The following MBNL2 variants were observed in gnomAD, a reference collection of about 807,000 sequenced individuals.
MBNL2 encodes muscleblind like splicing regulator 2, also known as muscleblind-like protein 2.
In MBNL2, 17 loss-of-function variants were observed where a neutral mutation model predicts 41.9. The observed-to-expected ratio is 0.41, with a 90% CI of 0.28 to 0.61. The LOEUF (loss-of-function observed/expected upper bound fraction) is 0.61. MBNL2 is among the 20% of genes least tolerant of loss of function. MBNL2 has a pLI of 0.35. For missense variants in MBNL2, 336 were observed against 505.6 expected, an observed-to-expected ratio of 0.66 and a Z score of 3.22; for synonymous variants, 195 against 182.9, an observed-to-expected ratio of 1.07 and a Z score of -0.53.
chr13:97,374,314 A>G (rs1172915571), intron 8 of MBNL2, among the ~76,000 whole-genome samples: 1 of 147,658 alleles, frequency 6.8e-6, no homozygotes, highest in Non-Finnish European at 1.5e-5. Context: ...CGCCCAGCTA[A>G]TTTTTTGTAT....
intron 2 of MBNL2, among the ~76,000 whole-genome samples, chr13:97,289,666 C>T (rs1204459670): frequency 6.6e-6 from 1 of 152,134 alleles, no homozygotes; most frequent in Non-Finnish European, 1.5e-5. Context: ...CTATTTAGTG[C>T]CAAGCACTAT....
chr13:97,144,423 CTTTTTTTTTTT>C, the MBNL2 span, among the ~76,000 whole-genome samples: 8 of 118,106 alleles, frequency 6.8e-5, no homozygotes, highest in Admixed American at 3.4e-4. Context: ...CATGATACTT[CTTTTTTTTTTT>C]TTTTTTTTTT....
chr13:97,351,422 G>T (rs2062440723), intron 5 of MBNL2, among the ~76,000 whole-genome samples: 1 of 152,182 alleles, frequency 6.6e-6, no homozygotes, highest in Non-Finnish European at 1.5e-5. Context: ...GTACTTTGAA[G>T]GTTTGAAGCT....
intron 1 of MBNL2, among the ~76,000 whole-genome samples, chr13:97,271,790 A>C (rs1323036294): frequency 6.6e-6 from 1 of 152,180 alleles, no homozygotes; most frequent in African/African-American, 2.4e-5. Flanking sequence ...TCCATGTTGT[A>C]TATGTACCAC....
chr13:97,232,119 G>A (rs1594065615), intron 1 of MBNL2, among the ~76,000 whole-genome samples: 2 of 152,210 alleles, frequency 1.3e-5, no homozygotes, highest in South Asian at 2.1e-4. Flanking sequence ...AGAGACAGCT[G>A]TCTAACGAAG....
At chr13:97,152,237 GT>G in the MBNL2 span, among the ~76,000 whole-genome samples, 1 of 151,958 alleles carries the variant, frequency 6.6e-6, no homozygotes, top group African/African-American at 2.4e-5. Flanking sequence ...AGAAGATAGG[GT>G]TCAGAAAACC....
chr13:97,190,088 C>T, the MBNL2 span, among the ~76,000 whole-genome samples: 1 of 152,344 alleles, frequency 6.6e-6, no homozygotes, highest in South Asian at 2.1e-4. Flanking sequence ...GCAGTGGACC[C>T]CTGGCTTAGT....
At chr13:97,312,037 A>G (rs1375375436) in intron 2 of MBNL2, among the ~76,000 whole-genome samples, 1 of 152,242 alleles carries the variant, frequency 6.6e-6, no homozygotes, top group Non-Finnish European at 1.5e-5. Context: ...CTTAGTGTTG[A>G]GTTCAAACAT....
At chr13:97,343,266 C>T in intron 4 of MBNL2, 50 bp downstream of exon 4, 1 of 1,338,836 alleles carries the variant, frequency 7.5e-7, no homozygotes, top group Non-Finnish European at 1.0e-6. Flanking sequence ...TAGAAATATA[C>T]TTCTGTGTAA....
chr13:97,366,074 A>G lies in MBNL2; in HGVS notation c.1048+903A>G, dbSNP rs1052624989. Among the ~76,000 whole-genome samples, 3 of 152,210 alleles carry G rather than the reference A, an allele frequency of 2.0e-5. No homozygotes were observed. The highest frequency in any genetic ancestry group is 2.9e-5 in the Non-Finnish European group (2 of 68,038). On this transcript the variant is annotated intron_variant, in intron 8 of 8. Transcript: ENST00000679496. The surrounding 1 kb of genome is among the most constrained non-coding windows in gnomAD (Gnocchi z 4.7). ...TCAGAGTTTATGATTAAAAGTGATG[A>G]TCACATATTCTTACTTCACTGGACA...
intron 8 of MBNL2, among the ~76,000 whole-genome samples, chr13:97,371,522 T>C (rs1224252846): frequency 6.6e-6 from 1 of 152,080 alleles, no homozygotes; most frequent in Non-Finnish European, 1.5e-5. Context: ...GGCTGCAGCG[T>C]AGGTTTGATT....
At chr13:97,364,985 A>G (rs996299300) in intron 7 of MBNL2, 151 bp from the exon 8 acceptor site, 1 of 733,930 alleles carries the variant, frequency 1.4e-6, no homozygotes, top group Non-Finnish European at 2.5e-6. Context: ...TTGTGTCTGT[A>G]CTGACAATGT....
chr13:97,283,856 C>T (rs2053903955), intron 2 of MBNL2, among the ~76,000 whole-genome samples: 1 of 152,130 alleles, frequency 6.6e-6, no homozygotes, highest in Non-Finnish European at 1.5e-5. Context: ...AACCGTGACT[C>T]CCTAAGAGCA....
At chr13:97,270,103 G>C (rs2050649560) in intron 1 of MBNL2, among the ~76,000 whole-genome samples, 1 of 152,172 alleles carries the variant, frequency 6.6e-6, no homozygotes, top group Non-Finnish European at 1.5e-5. Flanking sequence ...CCTTGGCAAA[G>C]TGAAGGCTGG....
At chr13:97,356,989 T>C in intron 6 of MBNL2, 140 bp downstream of exon 6, 1 of 343,776 alleles carries the variant, frequency 2.9e-6, no homozygotes, top group Admixed American at 4.1e-5. Context: ...TTTAGCCATC[T>C]CATTCTCATA....
chr13:97,208,756 A>G, the MBNL2 span, among the ~76,000 whole-genome samples: 7 of 152,200 alleles, frequency 4.6e-5, no homozygotes, highest in African/African-American at 1.7e-4. Context: ...CCCTAACCTT[A>G]ATCTAAAGAT....
At chr13:97,225,773 G>A (rs2041506737) in intron 1 of MBNL2, among the ~76,000 whole-genome samples, 1 of 152,166 alleles carries the variant, frequency 6.6e-6, no homozygotes, top group South Asian at 2.1e-4. Context: ...CAAGACCCAA[G>A]CTAAAGGCCT....
intron 8 of MBNL2, among the ~76,000 whole-genome samples, chr13:97,374,063 A>ATTTTTTTTTTTTTTTTTTTTTTTTTTT (rs61185219): frequency 1.6e-5 from 1 of 63,128 alleles, no homozygotes. Flanking sequence ...CCTCCTTTGC[A>ATTTTTTTTTTTTTTTTTTTTTTTTTTT]TTTTTTTTTT....
chr13:97,375,211 T>C (rs142786102), intron 8 of MBNL2, among the ~76,000 whole-genome samples: 22 of 152,320 alleles, frequency 1.4e-4, no homozygotes, highest in Middle Eastern at 3.4e-3. Flanking sequence ...GGCATTCCTC[T>C]GGGGTGACAT....
Sources: gnomAD v4.1 joint callset for allele counts (sites outside exome capture counted in the v4.1 genomes callset) on GRCh38, gnomAD v4.1.1 for gene constraint, Gnocchi (gnomAD v3.1) non-coding constraint, MANE v1.5 for transcripts, NCBI Gene and HGNC (gene_info 2026-07-23, HGNC 2026-07-21) for gene names.